Variants in SLIT2 observed in about 807,000 individuals in gnomAD.
The protein encoded by SLIT2 is slit homolog 2 protein.
A neutral mutation model predicts 185.7 loss-of-function variants in SLIT2; 41 were observed. The ratio of observed to expected loss-of-function variants is 0.22; its 90% CI spans 0.17 to 0.29. The LOEUF is 0.29. Ranked by LOEUF, SLIT2 falls within the 10% of genes least tolerant of loss-of-function variation. The pLI is 1.00. For missense variants in SLIT2, 1,571 were observed against 1,909.0 expected (o/e 0.82, Z 3.30); for synonymous variants, 693 against 680.2 (o/e 1.02, Z -0.29).
At chr4:20,539,626 T>C in intron 19 of SLIT2, 42 bp downstream of exon 19, 1 of 1,349,742 alleles carries the variant, frequency 7.4e-7, no homozygotes, top group Non-Finnish European at 1.0e-6. Flanking sequence ...TTGAGCCATT[T>C]ATTATATTTG....
chr4:20,490,841 G>A (rs1357073547), intron 8 of SLIT2: 26 of 1,503,230 alleles, frequency 1.7e-5, no homozygotes, highest in Middle Eastern at 1.7e-4. Flanking sequence ...TTTTTAGACC[G>A]AGGATATTTT....
intron 4 of SLIT2, among the ~76,000 whole-genome samples, chr4:20,334,428 T>G (rs1023387926): frequency 1.3e-4 from 20 of 152,298 alleles, no homozygotes; most frequent in Non-Finnish European, 2.5e-4. Context: ...CTTACCCTAG[T>G]ATCTCAAAAC....
intron 35 of SLIT2, 30 bp downstream of exon 35, chr4:20,617,228 C>T: frequency 6.6e-7 from 1 of 1,525,164 alleles, no homozygotes; most frequent in Non-Finnish European, 8.8e-7. Context: ...GAGTTGAGCA[C>T]ACACCTGAAA....
intron 4 of SLIT2, among the ~76,000 whole-genome samples, chr4:20,356,391 A>G (rs1401459607): frequency 1.3e-5 from 2 of 152,158 alleles, no homozygotes; most frequent in African/African-American, 4.8e-5. Flanking sequence ...GACAGGTGCA[A>G]AGTTGAGGTT....
intron 4 of SLIT2, among the ~76,000 whole-genome samples, chr4:20,409,913 G>A (rs932736108): frequency 3.3e-5 from 5 of 151,852 alleles, no homozygotes; most frequent in African/African-American, 9.7e-5. Context: ...CTTTTTAATG[G>A]GGTTGTTTTA....
At chr4:20,577,690 A>G (rs1001456551) in intron 29 of SLIT2, among the ~76,000 whole-genome samples, 9 of 152,216 alleles carry the variant, frequency 5.9e-5, no homozygotes, top group Admixed American at 3.9e-4. Flanking sequence ...CTCATCAGCT[A>G]TATCCACCCT....
chr4:20,541,634 T>C lies in SLIT2; in HGVS notation c.2143+15T>C, dbSNP rs778741256. Reference sequence around the variant, plus strand: ...TTGTGATGACGGTAAGAAATACTTATCAACTCTTTGATTGTCAGGCATTCA... The same window carrying C: ...TTGTGATGACGGTAAGAAATACTTACCAACTCTTTGATTGTCAGGCATTCA... On this transcript the variant is annotated intron_variant, in intron 20 of 36. Transcript: ENST00000504154. The C allele has an allele frequency of 1.4e-5, 22 of 1,611,026 alleles. No homozygotes were observed. In the Admixed American group the frequency reaches 3.0e-4, roughly 22 times the overall value.
intron 4 of SLIT2, among the ~76,000 whole-genome samples, chr4:20,321,313 A>G (rs1012038525): frequency 2.6e-5 from 4 of 152,072 alleles, no homozygotes; most frequent in Admixed American, 1.3e-4. Context: ...TTCCCACCAC[A>G]CTATCTTTCG....
chr4:20,535,948 T>C (rs1722235513), intron 18 of SLIT2, among the ~76,000 whole-genome samples: 2 of 152,172 alleles, frequency 1.3e-5, no homozygotes, highest in African/African-American at 4.8e-5. Flanking sequence ...CTAGATGATA[T>C]GGCCTACCAC....
chr4:20,398,599 C>T (rs188907048), intron 4 of SLIT2, among the ~76,000 whole-genome samples: 8 of 151,798 alleles, frequency 5.3e-5, no homozygotes, highest in Non-Finnish European at 8.8e-5. Flanking sequence ...GCACTTTCCT[C>T]GCTAGCTGCC....
At chr4:20,529,360 ATT>A (rs1721582633) in intron 16 of SLIT2, among the ~76,000 whole-genome samples, 1 of 152,160 alleles carries the variant, frequency 6.6e-6, no homozygotes, top group African/African-American at 2.4e-5. Flanking sequence ...TAACAATGGT[ATT>A]TATTTGATGC....
intron 4 of SLIT2, among the ~76,000 whole-genome samples, chr4:20,376,104 T>C (rs1221730482): frequency 6.9e-6 from 1 of 145,524 alleles, no homozygotes; most frequent in Non-Finnish European, 1.5e-5. Context: ...GAGAAGAATA[T>C]CATTGTTTAA....
In SLIT2 at chr4:20,312,771, CAAA is replaced by C. The variant is rs34372893; in HGVS notation, c.395+43910_395+43912del. 4.1e-3 allele frequency among the ~76,000 whole-genome samples: 421 copies of C among 102,150 alleles called. 3 individuals carry two copies. The highest frequency in any genetic ancestry group is 0.014 in the African/African-American group (355 of 24,722). The allele number at this position is 102,150 out of a possible 152,430, so 67.0% of individuals were successfully genotyped here. Reference sequence around the variant, plus strand: ...CTGGCGATAGAGTGAGACTTTGTCTCAAAAAAAAAAAAAAAAAAAAAAGAAAGA... The same window carrying C: ...CTGGCGATAGAGTGAGACTTTGTCTCAAAAAAAAAAAAAAAAAAAGAAAGA... On this transcript the variant is annotated intron_variant, in intron 4 of 36. Coordinates refer to ENST00000504154, the MANE Select transcript of SLIT2 (RefSeq NM_004787.4).
chr4:20,611,030 G>A (rs1729175091), intron 34 of SLIT2, among the ~76,000 whole-genome samples: 1 of 152,164 alleles, frequency 6.6e-6, no homozygotes, highest in Non-Finnish European at 1.5e-5. Flanking sequence ...TCTGGTAAAG[G>A]AGCCAGAAAG....
intron 4 of SLIT2, 52 bp from the exon 5 acceptor site, chr4:20,467,700 A>G: frequency 9.1e-7 from 1 of 1,097,858 alleles, no homozygotes; most frequent in Non-Finnish European, 1.3e-6. Context: ...GATTAAAATA[A>G]TCTTTAAATA....
intron 26 of SLIT2, among the ~76,000 whole-genome samples, chr4:20,561,866 T>C (rs1208389787): frequency 6.6e-6 from 1 of 151,816 alleles, no homozygotes; most frequent in Non-Finnish European, 1.5e-5. Flanking sequence ...ACTTAACAGA[T>C]ATTTATTTTA....
Position 20,442,541 on chromosome 4 carries a change from AAAG to A in SLIT2, c.396-25210_396-25208del, listed in dbSNP as rs557315031. Among the ~76,000 whole-genome samples the A allele has an allele frequency of 3.9e-4, 58 of 149,218 alleles. No individual in the cohort carries two copies. In the South Asian group the frequency reaches 0.01, roughly 27 times the overall value. ...TCTGTCTCAAAAAAAAAAAAAAAAA[AAAG>A]GGGGGGGAGGGACCGATTTTATGAA... is the stretch of plus-strand genomic sequence containing the variant. On this transcript the variant is annotated intron_variant, in intron 4 of 36. Coordinates refer to ENST00000504154, the MANE Select transcript of SLIT2 (RefSeq NM_004787.4).
At chr4:20,402,714 T>G (rs910255001) in intron 4 of SLIT2, among the ~76,000 whole-genome samples, 1 of 151,872 alleles carries the variant, frequency 6.6e-6, no homozygotes, top group Non-Finnish European at 1.5e-5. Context: ...GCCTCGAGTA[T>G]TTAAATGTGG....
chr4:20,505,443 A>G lies in SLIT2; in HGVS notation c.915-5052A>G, dbSNP rs116045604. On this transcript the variant is annotated intron_variant, in intron 9 of 36. Coordinates refer to ENST00000504154, the MANE Select transcript of SLIT2 (RefSeq NM_004787.4). ...TTGGCATGTGGATGTTATTTTATATAGTTTGTCAAAATAACACGATTTTAA... is the reference window on the plus strand; with the variant it reads ...TTGGCATGTGGATGTTATTTTATATGGTTTGTCAAAATAACACGATTTTAA... 9.4e-3 allele frequency among the ~76,000 whole-genome samples: 1,432 copies of G among 152,236 alleles called. 12 individuals carry two copies. The highest frequency in any genetic ancestry group is 0.021 in the African/African-American group (857 of 41,570).
Sources: allele counts gnomAD v4.1 joint callset (sites outside exome capture counted in the v4.1 genomes callset), GRCh38; gene constraint gnomAD v4.1.1; transcripts MANE v1.5; gene names NCBI Gene and HGNC (gene_info 2026-07-23, HGNC 2026-07-21).